Variants in SRPK2 observed in about 807,000 individuals in gnomAD.
The protein encoded by SRPK2 is SFRS protein kinase 2.
SRPK2 carries 21 observed loss-of-function variants against 90.8 expected under a neutral mutation model. That is an observed-to-expected ratio of 0.23 (90% CI 0.16 to 0.33). The LOEUF is 0.33. Ranked by LOEUF, SRPK2 falls within the 10% of genes least tolerant of loss-of-function variation. The pLI is 1.00. For missense variants in SRPK2, 620 were observed against 869.0 expected (o/e 0.71, Z 3.60); for synonymous variants, 288 against 311.1 (o/e 0.93, Z 0.78).
intron 2 of SRPK2, among the ~76,000 whole-genome samples, chr7:105,246,452 A>G (rs1801678954): frequency 6.6e-6 from 1 of 152,250 alleles, no homozygotes; most frequent in Admixed American, 6.5e-5. Flanking sequence ...TAAAGTAGAC[A>G]GCTGGACATA....
chr7:105,318,326 C>T (rs1812542028), intron 2 of SRPK2, among the ~76,000 whole-genome samples: 1 of 151,824 alleles, frequency 6.6e-6, no homozygotes, highest in Non-Finnish European at 1.5e-5. Flanking sequence ...AACTCCTGAC[C>T]TCAGGTGATC....
chr7:105,160,993 T>C (rs371408567), intron 6 of SRPK2, among the ~76,000 whole-genome samples: 3 of 152,150 alleles, frequency 2.0e-5, no homozygotes, highest in African/African-American at 7.2e-5. Flanking sequence ...TGGTGTGATC[T>C]TGGCTCACTG....
intron 2 of SRPK2, among the ~76,000 whole-genome samples, chr7:105,273,214 CAAAAAAA>C (rs776610794): frequency 7.6e-6 from 1 of 131,090 alleles, no homozygotes; most frequent in South Asian, 2.4e-4. Flanking sequence ...GACTCCGTCT[CAAAAAAA>C]AAAAAGAAAA....
At chr7:105,359,549 C>T (rs997681283) in intron 2 of SRPK2, among the ~76,000 whole-genome samples, 1 of 152,140 alleles carries the variant, frequency 6.6e-6, no homozygotes, top group African/African-American at 2.4e-5. Context: ...CTTCAATAAT[C>T]AGAACGCCTC....
intron 2 of SRPK2, among the ~76,000 whole-genome samples, chr7:105,314,495 T>C (rs1019765657): frequency 1.2e-4 from 18 of 152,224 alleles, no homozygotes; most frequent in East Asian, 1.9e-4. Context: ...CAAGCAATTC[T>C]GCCTCAGCCT....
chr7:105,323,464 A>C (rs1265114720), intron 2 of SRPK2, among the ~76,000 whole-genome samples: 1 of 152,194 alleles, frequency 6.6e-6, no homozygotes, highest in African/African-American at 2.4e-5. Context: ...ACCACATAGA[A>C]TCTTTCTAAA....
intron 2 of SRPK2, among the ~76,000 whole-genome samples, chr7:105,267,543 G>A (rs761920476): frequency 2.0e-5 from 3 of 152,234 alleles, no homozygotes; most frequent in Middle Eastern, 3.4e-3. Context: ...AAAGTTAGAA[G>A]CCACACAAAA....
At chr7:105,176,573 GTGTGTGTA>G (rs1791888603) in intron 3 of SRPK2, among the ~76,000 whole-genome samples, 2 of 129,026 alleles carry the variant, frequency 1.6e-5, no homozygotes, top group Non-Finnish European at 1.7e-5. Context: ...GTGTGTGTGT[GTGTGTGTA>G]TGTATATATG....
intron 2 of SRPK2, among the ~76,000 whole-genome samples, chr7:105,308,069 T>C (rs1401745060): frequency 6.6e-6 from 1 of 152,212 alleles, no homozygotes; most frequent in Non-Finnish European, 1.5e-5. Context: ...ACTACTATAG[T>C]TATGGGTTCG....
rs141249625 is a variant in SRPK2 at position 105,373,633 on chromosome 7, C to T, written c.71+15015G>A. 8.4e-3 allele frequency among the ~76,000 whole-genome samples: 1,282 copies of T among 152,050 alleles called. 20 individuals carry two copies. The highest frequency in any genetic ancestry group is 0.029 in the African/African-American group (1,188 of 41,440). On this transcript the variant is annotated intron_variant, in intron 2 of 15. Coordinates refer to ENST00000393651, the MANE Select transcript of SRPK2 (RefSeq NM_182692.3). ...GGCCAGGCTGGTCTCGAACTCCTGG[C>T]CTCAAGTGATCCGCTCGCTTCGGCC...
chr7:105,229,157 TG>T (rs1477399380), intron 2 of SRPK2, among the ~76,000 whole-genome samples: 1 of 152,016 alleles, frequency 6.6e-6, no homozygotes, highest in Non-Finnish European at 1.5e-5. Flanking sequence ...AAGGTACACT[TG>T]TTGCTTTAAA....
chr7:105,389,170 C>T (rs2132876334), upstream of SRPK2: 2 of 1,059,482 alleles, frequency 1.9e-6, no homozygotes, highest in South Asian at 2.8e-5. Flanking sequence ...TGCGGCTGGC[C>T]CAGGCCGCCC....
rs61348366 is a variant in SRPK2 at position 105,312,437 on chromosome 7, CAAAAA to C, written c.71+76206_71+76210del. Among the ~76,000 whole-genome samples the C allele has an allele frequency of 3.8e-3, 319 of 84,872 alleles. 4 individuals are homozygous for C. Among genetic ancestry groups the C allele is most frequent in the African/African-American group, 0.015 (302 of 20,758 alleles). 55.7% of individuals were successfully genotyped at this position (84,872 alleles called of 152,430 possible). ...CCTAAGCAACAGAGTGAGACTCCGT[CAAAAA>C]AAAAAAAAAAAACAAGCGGGGGTAG... On this transcript the variant is annotated intron_variant, in intron 2 of 15. Coordinates refer to ENST00000393651, the MANE Select transcript of SRPK2 (RefSeq NM_182692.3).
chr7:105,235,310 G>T (rs1023572875), intron 2 of SRPK2, among the ~76,000 whole-genome samples: 2 of 152,226 alleles, frequency 1.3e-5, no homozygotes, highest in Non-Finnish European at 2.9e-5. Context: ...TATTTGGAAA[G>T]ACTGTATTTC....
intron 2 of SRPK2, among the ~76,000 whole-genome samples, chr7:105,370,183 ATTTCT>A (rs1386911423): frequency 6.6e-6 from 1 of 152,128 alleles, no homozygotes; most frequent in Non-Finnish European, 1.5e-5. Context: ...AGTGCCAGGA[ATTTCT>A]TTTAAGTAAA....
chr7:105,262,926 T>C (rs1435817341), intron 2 of SRPK2, among the ~76,000 whole-genome samples: 2 of 152,158 alleles, frequency 1.3e-5, no homozygotes, highest in Admixed American at 6.5e-5. Flanking sequence ...GAGTGGTACA[T>C]TCACTTTGGA....
At chr7:105,352,309 A>G (rs991688006) in intron 2 of SRPK2, among the ~76,000 whole-genome samples, 2 of 152,194 alleles carry the variant, frequency 1.3e-5, no homozygotes, top group African/African-American at 4.8e-5. Context: ...GAGGTCTTCT[A>G]AGGGTGTGTT....
At chr7:105,184,890 A>G (rs1217950128) in intron 3 of SRPK2, among the ~76,000 whole-genome samples, 1 of 152,122 alleles carries the variant, frequency 6.6e-6, no homozygotes, top group East Asian at 1.9e-4. Context: ...GGACTTTATG[A>G]TAGTTTTTAT....
chr7:105,274,958 G>A (rs1413234758), intron 2 of SRPK2, among the ~76,000 whole-genome samples: 1 of 151,744 alleles, frequency 6.6e-6, no homozygotes, highest in Non-Finnish European at 1.5e-5. Flanking sequence ...CGCAATCTCG[G>A]CTCACTATAA....
Sources: gnomAD v4.1 joint callset for allele counts (sites outside exome capture counted in the v4.1 genomes callset) on GRCh38, gnomAD v4.1.1 for gene constraint, MANE v1.5 for transcripts, NCBI Gene and HGNC (gene_info 2026-07-23, HGNC 2026-07-21) for gene names.